The following LGALS8 variants were observed in gnomAD, a reference collection of about 807,000 sequenced individuals.
LGALS8 encodes galectin-8.
A neutral mutation model predicts 35.9 loss-of-function variants in LGALS8; 30 were observed. The observed-to-expected ratio is 0.83, with a 90% confidence interval of 0.62 to 1.13. The LOEUF (loss-of-function observed/expected upper bound fraction) is 1.13, where lower values mean the gene tolerates loss of function less well. Among genes scored for constraint, LGALS8 ranks in the 50% most tolerant of loss-of-function variants. The pLI is 0.00. For missense variants in LGALS8, 366 were observed against 388.7 expected (o/e 0.94, Z 0.49); for synonymous variants, 138 against 136.1 (o/e 1.01, Z -0.10).
intron 3 of LGALS8, 23 bp downstream of exon 3, chr1:236,537,608 A>G (rs1265762145): frequency 6.7e-7 from 1 of 1,491,050 alleles, no homozygotes; most frequent in Admixed American, 1.7e-5. Flanking sequence ...TGCTAAAGGA[A>G]GGAGCATGAA....
In LGALS8 at chr1:236,543,548, GCTT is replaced by G. The variant is rs1558166913; in HGVS notation, c.550-8_550-6del. On this transcript the variant is annotated splice_polypyrimidine_tract_variant and intron_variant, in intron 7 of 9. Coordinates refer to ENST00000366584, the MANE Select transcript of LGALS8 (RefSeq NM_201544.4). ...TGCAGGCCTCTTGGTCCTGACTGTGGCTTCTTTTCAGAGGCTGCCATTCGCTGC... is the reference window on the plus strand; with the variant it reads ...TGCAGGCCTCTTGGTCCTGACTGTGGCTTTTCAGAGGCTGCCATTCGCTGC... 1.9e-6 allele frequency: 3 copies of G among 1,609,042 alleles called. No homozygotes were observed. The highest frequency in any genetic ancestry group is 2.2e-5 in the East Asian group (1 of 44,834).
intron 2 of LGALS8, among the ~76,000 whole-genome samples, chr1:236,533,227 T>G (rs1661248992): frequency 6.6e-6 from 1 of 152,220 alleles, no homozygotes. Context: ...CTACCTGAAG[T>G]GGCAACTGAA....
upstream of LGALS8, among the ~76,000 whole-genome samples, chr1:236,522,022 T>C (rs1660566201): frequency 6.6e-6 from 1 of 152,150 alleles, no homozygotes; most frequent in African/African-American, 2.4e-5. Flanking sequence ...TGAGGTCCTT[T>C]GCATGCTAGT....
intron 4 of LGALS8, 192 bp downstream of exon 4, chr1:236,539,281 A>T: frequency 1.7e-6 from 1 of 584,312 alleles, no homozygotes; most frequent in Non-Finnish European, 3.1e-6. Context: ...CTCTCCAGCC[A>T]GTTGTTGCCA....
chr1:236,544,623 A>G, intron 8 of LGALS8, 127 bp from the exon 9 acceptor site: 1 of 590,746 alleles, frequency 1.7e-6, no homozygotes, highest in Non-Finnish European at 2.7e-6. Flanking sequence ...TCCCATGTCC[A>G]TGTGGATACG....
rs1157485314 is a variant in LGALS8, at chr1:236,549,910, G to A, written c.*1749G>A. On this transcript the variant is annotated 3_prime_UTR_variant, in exon 10 of 10. Coordinates refer to ENST00000366584, the MANE Select transcript of LGALS8 (RefSeq NM_201544.4). The stretch of plus-strand genomic sequence containing the variant: ...ATGCACTTCTATACTAGCAAGCTCT[G>A]TCTCTAAAATGCAAGTTGGCCTTTT... The A allele has an allele frequency of 6.6e-6, 1 of 152,186 alleles. No homozygotes were observed. Among genetic ancestry groups the A allele is most frequent in the Admixed American group, 6.5e-5 (1 of 15,276 alleles). The allele number at this position is 152,186 out of a possible 1,614,324, so 9.4% of individuals were successfully genotyped here. A position where few individuals can be genotyped will look rare whatever the true frequency, so the allele number is the denominator to read the frequency against.
chr1:236,545,106 G>T, intron 9 of LGALS8, 191 bp downstream of exon 9: 1 of 451,064 alleles, frequency 2.2e-6, no homozygotes, highest in Non-Finnish European at 4.0e-6. Flanking sequence ...CCAGTAGAGT[G>T]TCAAATTATG....
At chr1:236,534,562 G>A (rs776821636) in intron 2 of LGALS8, among the ~76,000 whole-genome samples, 1 of 151,674 alleles carries the variant, frequency 6.6e-6, no homozygotes, top group Non-Finnish European at 1.5e-5. Context: ...CCACATAGTC[G>A]TGGGTTAAAT....
chr1:236,548,193 T>C lies in LGALS8; in HGVS notation c.*32T>C. On this transcript the variant is annotated 3_prime_UTR_variant, in exon 10 of 10. Transcript: ENST00000366584. Reference sequence around the variant, plus strand: ...TACACAGCTGCTACAAAAACCAAAATACAGAATGGCTTCTGTGATACTGGC... The same window carrying C: ...TACACAGCTGCTACAAAAACCAAAACACAGAATGGCTTCTGTGATACTGGC... 6.3e-7 allele frequency: 1 copy of C among 1,594,054 alleles called. No homozygotes were observed. The highest frequency in any genetic ancestry group is 8.6e-7 in the Non-Finnish European group (1 of 1,168,020).
At chr1:236,539,449 G>A (rs72755768) in intron 4 of LGALS8, among the ~76,000 whole-genome samples, 92,744 of 151,834 alleles carry the variant, frequency 0.61, 29,213 homozygotes, top group Non-Finnish European at 0.69. Context: ...CAATCCCAGC[G>A]AAGAAATCAG....
Position 236,548,537 on chromosome 1 carries a change from A to T in LGALS8, c.*376A>T. 1.2e-5 allele frequency: 3 copies of T among 255,470 alleles called. No individual in the cohort carries two copies. The East Asian group carries it at 2.3e-4, about 20-fold the overall frequency. 15.8% of individuals were successfully genotyped at this position (255,470 alleles called of 1,614,324 possible). Reference sequence around the variant, plus strand: ...AGCTAGGATATATACTTGGTGAAACAAACCAGTATGTTCCCTGTTCTCTTG... The same window carrying T: ...AGCTAGGATATATACTTGGTGAAACTAACCAGTATGTTCCCTGTTCTCTTG... On this transcript the variant is annotated 3_prime_UTR_variant, in exon 10 of 10. Transcript: ENST00000366584.
intron 9 of LGALS8, among the ~76,000 whole-genome samples, chr1:236,547,667 A>G (rs1662459672): frequency 1.0e-5 from 1 of 97,322 alleles, no homozygotes; most frequent in African/African-American, 3.2e-5. Context: ...GAGAGTCCCC[A>G]GCATCGGCGA....
rs1454233988 is a variant in LGALS8, at chr1:236,550,609, ATAT to A, written c.*2454_*2456del. On this transcript the variant is annotated 3_prime_UTR_variant, in exon 10 of 10. Coordinates refer to ENST00000366584, the MANE Select transcript of LGALS8 (RefSeq NM_201544.4). Reference sequence around the variant, plus strand: ...TTGGGTGCTAAAATTAACAAGTCTAATATTATTACCATCAATCAGGAAGAGAAT... The same window carrying A: ...TTGGGTGCTAAAATTAACAAGTCTAATATTACCATCAATCAGGAAGAGAAT... The A allele has an allele frequency of 6.3e-6, 2 of 318,224 alleles. No homozygotes were observed. Among genetic ancestry groups the A allele is most frequent in the Non-Finnish European group, 1.1e-5 (2 of 175,070 alleles). 19.7% of individuals were successfully genotyped at this position (318,224 alleles called of 1,614,324 possible).
chr1:236,539,500 G>A (rs948878260), intron 4 of LGALS8, among the ~76,000 whole-genome samples: 4 of 112,076 alleles, frequency 3.6e-5, no homozygotes, highest in African/African-American at 8.9e-5. Context: ...AGACAGTTCC[G>A]TAGGATCATG....
chr1:236,551,010 A>AG lies in LGALS8; in HGVS notation c.*2849_*2850insG. 6.6e-7 allele frequency: 1 copy of AG among 1,514,174 alleles called. No individual in the cohort carries two copies. Among genetic ancestry groups the AG allele is most frequent in the Non-Finnish European group, 9.0e-7 (1 of 1,114,608 alleles). The allele number at this position is 1,514,174 out of a possible 1,614,324, so 93.8% of individuals were successfully genotyped here. A position where few individuals can be genotyped will look rare whatever the true frequency, so the allele number is the denominator to read the frequency against. ...ATTCATCTAAAAAAAAAAAAAAAAAATCAAAATTAAAATCTGAGTCAGTCC... is the reference window on the plus strand; with the variant it reads ...ATTCATCTAAAAAAAAAAAAAAAAAAGTCAAAATTAAAATCTGAGTCAGTCC... On this transcript the variant is annotated 3_prime_UTR_variant, in exon 10 of 10. Coordinates refer to ENST00000366584, the MANE Select transcript of LGALS8 (RefSeq NM_201544.4).
chr1:236,538,091 A>AC (rs1661681379), intron 3 of LGALS8, among the ~76,000 whole-genome samples: 1 of 129,348 alleles, frequency 7.7e-6, no homozygotes, highest in African/African-American at 3.6e-5. Flanking sequence ...GGTGACAAAA[A>AC]AAAAAAAGAA....
intron 9 of LGALS8, among the ~76,000 whole-genome samples, chr1:236,545,574 C>G (rs1662312845): frequency 6.6e-6 from 1 of 152,198 alleles, no homozygotes; most frequent in Non-Finnish European, 1.5e-5. Context: ...TTTAGGTTAT[C>G]ATTCTACAGC....
At chr1:236,546,389 T>C (rs964654838) in intron 9 of LGALS8, among the ~76,000 whole-genome samples, 12 of 152,276 alleles carry the variant, frequency 7.9e-5, no homozygotes, top group African/African-American at 2.9e-4. Flanking sequence ...TATGCTTGCA[T>C]TGAGATTATC....
At chr1:236,519,300 A>G (rs1660488824), upstream of LGALS8, among the ~76,000 whole-genome samples, 1 of 151,574 alleles carries the variant, frequency 6.6e-6, no homozygotes, top group Non-Finnish European at 1.5e-5. Context: ...CTGAGGTGGG[A>G]GGATCACTTG....
Sources: gnomAD v4.1 joint callset for allele counts (sites outside exome capture counted in the v4.1 genomes callset) on GRCh38, gnomAD v4.1.1 for gene constraint, MANE v1.5 for transcripts, NCBI Gene and HGNC (gene_info 2026-07-23, HGNC 2026-07-21) for gene names.